The following RXRA variants were observed in gnomAD, a reference collection of about 807,000 sequenced individuals.
RXRA encodes retinoic acid receptor RXR-alpha.
RXRA carries 5 observed loss-of-function variants against 44.5 expected under a neutral mutation model. The observed-to-expected ratio is 0.11, with a 90% confidence interval of 0.06 to 0.24. The LOEUF is 0.24. Among genes scored for constraint, RXRA ranks in the 10% least tolerant of loss-of-function variants. The pLI, the probability that RXRA is intolerant of heterozygous loss-of-function variation, is 1.00. For missense variants in RXRA, 412 were observed against 646.5 expected (o/e 0.64, Z 3.93); for synonymous variants, 291 against 271.4 (o/e 1.07, Z -0.71).
chr9:134,350,082 G>A (rs528621204), intron 1 of RXRA, among the ~76,000 whole-genome samples: 1 of 151,950 alleles, frequency 6.6e-6, no homozygotes, highest in Non-Finnish European at 1.5e-5. Context: ...GTGTAGGGGG[G>A]GGTGGAAGGT....
chr9:134,396,789 G>A (rs143636025), intron 1 of RXRA, among the ~76,000 whole-genome samples: 2 of 152,190 alleles, frequency 1.3e-5, no homozygotes, highest in Middle Eastern at 3.2e-3. Flanking sequence ...TGGATGGTCC[G>A]GGTGTCCTCT....
chr9:134,358,396 C>A (rs915126529), intron 1 of RXRA, among the ~76,000 whole-genome samples: 2 of 152,214 alleles, frequency 1.3e-5, no homozygotes, highest in African/African-American at 4.8e-5. Context: ...GGGAGGGCTT[C>A]CTGGGGGAGG....
intron 1 of RXRA, among the ~76,000 whole-genome samples, chr9:134,397,828 G>A (rs1830901758): frequency 6.6e-6 from 1 of 152,230 alleles, no homozygotes; most frequent in Non-Finnish European, 1.5e-5. Context: ...GCTCCCTTGT[G>A]TGGGGAGGGC....
At chr9:134,409,209 G>A (rs1024374117) in intron 4 of RXRA, 90 bp downstream of exon 4, 4 of 1,282,594 alleles carry the variant, frequency 3.1e-6, no homozygotes, top group Non-Finnish European at 3.2e-6. Flanking sequence ...ATGGACAACA[G>A]GGAGTGAGTG....
At chr9:134,371,496 C>T (rs544085538) in intron 1 of RXRA, among the ~76,000 whole-genome samples, 1 of 152,366 alleles carries the variant, frequency 6.6e-6, no homozygotes, top group East Asian at 1.9e-4. Context: ...CTGATGGGGG[C>T]CAGACTTCTG....
intron 1 of RXRA, among the ~76,000 whole-genome samples, chr9:134,352,048 G>A (rs1830228115): frequency 6.6e-6 from 1 of 152,224 alleles, no homozygotes; most frequent in Admixed American, 6.5e-5. Flanking sequence ...GCGGCTCGGG[G>A]CAGCCCGGGG....
intron 1 of RXRA, among the ~76,000 whole-genome samples, chr9:134,334,886 G>C (rs1554747107): frequency 6.6e-6 from 1 of 152,218 alleles, no homozygotes; most frequent in Non-Finnish European, 1.5e-5. Context: ...GTCTGGATGT[G>C]GACTGGGCAT....
chr9:134,398,224 C>T (rs1258043281), intron 1 of RXRA, among the ~76,000 whole-genome samples: 3 of 152,196 alleles, frequency 2.0e-5, no homozygotes, highest in African/African-American at 4.8e-5. Context: ...AGGTGATCCA[C>T]CCACCTCAGC....
chr9:134,350,356 C>T (rs1830206618), intron 1 of RXRA, among the ~76,000 whole-genome samples: 1 of 152,214 alleles, frequency 6.6e-6, no homozygotes. Flanking sequence ...CCCTCCAAGC[C>T]TCAGTTTCCT....
chr9:134,403,440 GC>G (rs995707503), intron 2 of RXRA: 6 of 152,310 alleles, frequency 3.9e-5, no homozygotes, highest in African/African-American at 1.4e-4. Context: ...GCAGCATGGT[GC>G]CCTGTGGCGA....
intron 1 of RXRA, among the ~76,000 whole-genome samples, chr9:134,335,166 C>G (rs576782975): frequency 3.3e-5 from 5 of 152,332 alleles, no homozygotes; most frequent in African/African-American, 7.2e-5. Context: ...TTAGGCACCT[C>G]TCACTGATTT....
At chr9:134,420,685 C>A (rs992717031) in intron 5 of RXRA, among the ~76,000 whole-genome samples, 1 of 152,232 alleles carries the variant, frequency 6.6e-6, no homozygotes, top group Non-Finnish European at 1.5e-5. Flanking sequence ...GAGGGATCCC[C>A]GAATCCTATT....
chr9:134,346,812 C>G (rs981255454), intron 1 of RXRA, among the ~76,000 whole-genome samples: 2 of 152,160 alleles, frequency 1.3e-5, no homozygotes, highest in African/African-American at 4.8e-5. Flanking sequence ...TCCTGGAGGC[C>G]CAGGGGCTTG....
At chr9:134,402,363 G>A (rs1381474070) in intron 2 of RXRA, 1 of 160,112 alleles carries the variant, frequency 6.2e-6, no homozygotes, top group Non-Finnish European at 1.4e-5. Flanking sequence ...CCGGCCCTGG[G>A]ACCTGCAGTG....
chr9:134,393,514 C>T (rs1479599223), intron 1 of RXRA, among the ~76,000 whole-genome samples: 1 of 152,194 alleles, frequency 6.6e-6, no homozygotes. Flanking sequence ...ATCTGGCAGC[C>T]CTGCCAGCGT....
intron 1 of RXRA, among the ~76,000 whole-genome samples, chr9:134,393,643 G>C (rs1830832207): frequency 6.6e-6 from 1 of 152,174 alleles, no homozygotes. Flanking sequence ...GGGCTTCTCA[G>C]GGGAGTAGGC....
At position 134,407,185 on chromosome 9, in the gene RXRA, C is replaced by T. The variant is rs985574899; in HGVS notation, c.280-964C>T. 3.3e-5 allele frequency among the ~76,000 whole-genome samples: 5 copies of T among 152,222 alleles called. No individual in the cohort carries two copies. The highest frequency in any genetic ancestry group is 1.3e-4 in the Admixed American group (2 of 15,286). On this transcript the variant is annotated intron_variant, in intron 2 of 9. Coordinates refer to ENST00000481739, the MANE Select transcript of RXRA (RefSeq NM_002957.6). The surrounding 1 kb of genome is among the most constrained non-coding windows in gnomAD (Gnocchi z 4.8). ...GAGGTCCATGTGAAAGGAGGCTTTG[C>T]GGTGGTTTCTGCTTTGCTTGCATTG... is the stretch of plus-strand genomic sequence containing the variant.
At chr9:134,381,099 C>CT (rs1489128461) in intron 1 of RXRA, among the ~76,000 whole-genome samples, 1 of 152,224 alleles carries the variant, frequency 6.6e-6, no homozygotes, top group African/African-American at 2.4e-5. Flanking sequence ...CCAGTTGCTG[C>CT]TGTCAGAGCC....
intron 1 of RXRA, among the ~76,000 whole-genome samples, chr9:134,344,108 A>G (rs1830120056): frequency 6.6e-6 from 1 of 152,090 alleles, no homozygotes; most frequent in South Asian, 2.1e-4. Context: ...CCATCCTTGT[A>G]GGCCTGAGTC....
Sources: gnomAD v4.1 joint callset for allele counts (sites outside exome capture counted in the v4.1 genomes callset) on GRCh38, gnomAD v4.1.1 for gene constraint, Gnocchi (gnomAD v3.1) non-coding constraint, MANE v1.5 for transcripts, NCBI Gene and HGNC (gene_info 2026-07-23, HGNC 2026-07-21) for gene names.